The following SNX14 variants were observed in gnomAD, a reference collection of about 807,000 sequenced individuals.
The protein encoded by SNX14 is sorting nexin-14.
SNX14 carries 93 observed loss-of-function variants against 133.8 expected under a neutral mutation model. The observed-to-expected ratio is 0.70, with a 90% CI of 0.59 to 0.83. The LOEUF is 0.83. Ranked by LOEUF, SNX14 falls within the 40% of genes least tolerant of loss-of-function variation. The pLI is 0.00. For synonymous variants in SNX14, 368 were observed against 365.6 expected (o/e 1.01, Z -0.07); for missense variants, 945 against 1,094.9 (o/e 0.86, Z 1.93).
At chr6:85,553,647 G>A (rs183269605) in intron 7 of SNX14, among the ~76,000 whole-genome samples, 33 of 152,162 alleles carry the variant, frequency 2.2e-4, no homozygotes, top group Admixed American at 1.8e-3. Flanking sequence ...TTAGCCAGGC[G>A]TGATGGCAGG....
At chr6:85,576,133 GCA>G (rs1448400773) in intron 1 of SNX14, among the ~76,000 whole-genome samples, 2 of 151,760 alleles carry the variant, frequency 1.3e-5, no homozygotes, top group African/African-American at 2.4e-5. Flanking sequence ...AAACCATTTT[GCA>G]CAGTTTCTGC....
chr6:85,523,529 C>G (rs932835692), intron 21 of SNX14, among the ~76,000 whole-genome samples: 1 of 152,182 alleles, frequency 6.6e-6, no homozygotes, highest in East Asian at 1.9e-4. Context: ...AATCCCAGCA[C>G]TTTGGGAGGC....
At chr6:85,558,795 T>C (rs1329812978) in intron 6 of SNX14, among the ~76,000 whole-genome samples, 1 of 152,056 alleles carries the variant, frequency 6.6e-6, no homozygotes, top group Non-Finnish European at 1.5e-5. Context: ...TTTCAAGATA[T>C]ATGGAAACAC....
chr6:85,577,001 G>C (rs1480937760), intron 1 of SNX14, among the ~76,000 whole-genome samples: 1 of 152,210 alleles, frequency 6.6e-6, no homozygotes, highest in Non-Finnish European at 1.5e-5. Context: ...AACTGTTGCA[G>C]TAATCTATGA....
chr6:85,573,368 T>G (rs1796293375), intron 2 of SNX14, among the ~76,000 whole-genome samples: 1 of 152,130 alleles, frequency 6.6e-6, no homozygotes, highest in Admixed American at 6.5e-5. Context: ...TAATCTCAGT[T>G]ACATGGAAGG....
chr6:85,574,313 A>G lies in SNX14; in HGVS notation c.206T>C (p.Leu69Pro). 1.3e-6 allele frequency: 2 copies of G among 1,593,740 alleles called. No homozygotes were observed. The highest frequency in any genetic ancestry group is 1.7e-6 in the Non-Finnish European group (2 of 1,163,692). ...ATTTGGTAAGAGAGAATCAGGTCCT[A>G]GTGAGCAGTAGAATGTGACAACTCC... Reference protein sequence around the residue: ...VAGVVTFYCSLGPDSLLPNIF... With the variant: ...VAGVVTFYCSPGPDSLLPNIF... Residue 69 changes from leucine to proline, a missense_variant, in exon 2 of 29, where the codon CTA (leucine) becomes CCA (proline). Leu to Pro is a moderately conservative substitution (Grantham distance 98). Transcript: ENST00000314673.
At chr6:85,562,744 T>G (rs567494379) in intron 6 of SNX14, among the ~76,000 whole-genome samples, 1 of 151,962 alleles carries the variant, frequency 6.6e-6, no homozygotes, top group South Asian at 2.1e-4. Flanking sequence ...TGTGCACGAT[T>G]ACACCAGGCT....
intron 8 of SNX14, among the ~76,000 whole-genome samples, chr6:85,549,287 AG>A (rs1786928446): frequency 6.6e-6 from 1 of 152,120 alleles, no homozygotes; most frequent in Admixed American, 6.5e-5. Flanking sequence ...TGCTCCAGCC[AG>A]AAAAAGGGAG....
At chr6:85,524,123 A>C (rs1391502762) in intron 21 of SNX14, among the ~76,000 whole-genome samples, 1 of 152,080 alleles carries the variant, frequency 6.6e-6, no homozygotes, top group Non-Finnish European at 1.5e-5. Flanking sequence ...CGGAGGTTGC[A>C]GTGAGCCAAG....
At chr6:85,581,617 A>G (rs1211537688) in intron 1 of SNX14, 80 of 152,362 alleles carry the variant, frequency 5.3e-4, no homozygotes, top group Admixed American at 5.2e-3. Flanking sequence ...GAGAAGGAAT[A>G]AAGAATCCTA....
In SNX14 at chr6:85,552,420, C is replaced by G. The variant is rs544220563; in HGVS notation, c.635-2541G>C. 2.0e-5 allele frequency among the ~76,000 whole-genome samples: 3 copies of G among 152,228 alleles called. No homozygotes were observed. The South Asian group carries it at 6.2e-4, about 32-fold the overall frequency. ...AAAAAAGGCATTATATGCATTGCAA[C>G]AGTGTGAGTACTGAGATGGAGCAGC... On this transcript the variant is annotated intron_variant, in intron 7 of 28. Coordinates refer to ENST00000314673, the MANE Select transcript of SNX14 (RefSeq NM_153816.6).
chr6:85,544,587 C>T (rs892103979), intron 12 of SNX14, among the ~76,000 whole-genome samples: 25 of 152,020 alleles, frequency 1.6e-4, no homozygotes, highest in Admixed American at 1.4e-3. Context: ...TCGCTTGAGC[C>T]CAGGAGTTCA....
intron 21 of SNX14, 28 bp from the exon 22 acceptor site, chr6:85,518,076 A>G: frequency 6.4e-7 from 1 of 1,571,360 alleles, no homozygotes; most frequent in South Asian, 1.2e-5. Flanking sequence ...ACATTATTTT[A>G]GGAAGGCATA....
intron 6 of SNX14, among the ~76,000 whole-genome samples, chr6:85,562,589 T>TC (rs753997428): frequency 3.5e-5 from 4 of 113,152 alleles, no homozygotes; most frequent in Non-Finnish European, 5.9e-5. Context: ...GGGCTTTTTT[T>TC]TTTTTTTTTT....
chr6:85,584,420 C>T (rs1335276992), intron 1 of SNX14, among the ~76,000 whole-genome samples: 1 of 152,130 alleles, frequency 6.6e-6, no homozygotes, highest in Non-Finnish European at 1.5e-5. Flanking sequence ...AACTAAAGAG[C>T]TTCTGCACAG....
intron 15 of SNX14, among the ~76,000 whole-genome samples, chr6:85,540,908 AGG>A (rs1783499535): frequency 6.6e-6 from 1 of 152,138 alleles, no homozygotes; most frequent in Non-Finnish European, 1.5e-5. Flanking sequence ...TACACATATT[AGG>A]TAAATGAAAT....
intron 12 of SNX14, 26 bp downstream of exon 12, chr6:85,547,086 T>C (rs1399414848): frequency 3.2e-6 from 5 of 1,547,086 alleles, no homozygotes; most frequent in Admixed American, 3.7e-5. Context: ...AAAATTACTT[T>C]CGTAAAATAC....
chr6:85,536,585 T>C (rs192160966), intron 17 of SNX14, among the ~76,000 whole-genome samples: 1 of 152,262 alleles, frequency 6.6e-6, no homozygotes, highest in Non-Finnish European at 1.5e-5. Flanking sequence ...TTCTCAGGAA[T>C]TTTAAAAATT....
intron 26 of SNX14, among the ~76,000 whole-genome samples, chr6:85,513,131 T>G (rs1333714149): frequency 1.3e-5 from 2 of 152,218 alleles, no homozygotes; most frequent in Non-Finnish European, 2.9e-5. Flanking sequence ...TTATAGGCAC[T>G]TCTCATTCAA....
Sources: gnomAD v4.1 joint callset for allele counts (sites outside exome capture counted in the v4.1 genomes callset) on GRCh38, gnomAD v4.1.1 for gene constraint, MANE v1.5 for transcripts, NCBI Gene and HGNC (gene_info 2026-07-23, HGNC 2026-07-21) for gene names.